LDB2: variants seen among roughly 807,000 people sequenced by gnomAD.
LDB2 encodes the protein LIM domain binding 2.
LDB2 carries 12 observed loss-of-function variants against 44.3 expected under a neutral mutation model. The observed-to-expected ratio is 0.27, with a 90% CI of 0.17 to 0.44. The LOEUF is 0.44. LDB2 is among the 20% of genes least tolerant of loss of function. The pLI is 1.00. For synonymous variants in LDB2, 164 were observed against 174.8 expected (o/e 0.94, Z 0.49); for missense variants, 344 against 473.5 (o/e 0.73, Z 2.54).
chr4:16,755,541 GACAGACAGA>G (rs1766436782), intron 2 of LDB2, among the ~76,000 whole-genome samples: 2 of 31,582 alleles, frequency 6.3e-5, no homozygotes, highest in East Asian at 7.9e-4. Context: ...GAGAGAGAGA[GACAGACAGA>G]CAGAGAGAGA....
intron 3 of LDB2, among the ~76,000 whole-genome samples, chr4:16,592,717 GT>G (rs1329262557): frequency 6.6e-6 from 1 of 151,888 alleles, no homozygotes; most frequent in East Asian, 1.9e-4. Context: ...AAAATTCATA[GT>G]AAACAATTGA....
At chr4:16,716,926 T>C (rs1003281721) in intron 2 of LDB2, among the ~76,000 whole-genome samples, 7 of 152,098 alleles carry the variant, frequency 4.6e-5, no homozygotes, top group African/African-American at 1.7e-4. Flanking sequence ...ATTTAGTGGA[T>C]ATGGTGGTTT....
intron 5 of LDB2, among the ~76,000 whole-genome samples, chr4:16,550,669 G>A (rs1737348284): frequency 6.6e-6 from 1 of 152,212 alleles, no homozygotes. Flanking sequence ...ATGTGCTTTT[G>A]GTGGGAGTGC....
intron 5 of LDB2, among the ~76,000 whole-genome samples, chr4:16,569,415 G>A (rs184823453): frequency 4.7e-4 from 71 of 152,262 alleles, no homozygotes; most frequent in African/African-American, 1.6e-3. Context: ...TAGACTTTGA[G>A]TCTTATGCTA....
At chr4:16,731,461 C>A (rs1760742063) in intron 2 of LDB2, among the ~76,000 whole-genome samples, 1 of 152,056 alleles carries the variant, frequency 6.6e-6, no homozygotes, top group African/African-American at 2.4e-5. Flanking sequence ...GGATCAGTAC[C>A]CTTATAAGGG....
chr4:16,881,883 C>T (rs1720232313), intron 1 of LDB2, among the ~76,000 whole-genome samples: 1 of 152,094 alleles, frequency 6.6e-6, no homozygotes, highest in African/African-American at 2.4e-5. Context: ...AGCTTCACCT[C>T]CCTGTTTTGA....
At chr4:16,769,795 C>T (rs969104648) in intron 1 of LDB2, among the ~76,000 whole-genome samples, 3 of 152,152 alleles carry the variant, frequency 2.0e-5, no homozygotes, top group Admixed American at 6.5e-5. Context: ...GAGAGCATCT[C>T]GGTGTTTCAC....
Position 16,629,136 on chromosome 4 carries a change from A to T in LDB2, c.236-33261T>A, listed in dbSNP as rs1731163121. Among the ~76,000 whole-genome samples, 3 of 152,212 alleles carry T rather than the reference A, an allele frequency of 2.0e-5. No homozygotes were observed. The South Asian group carries it at 6.2e-4, about 32-fold the overall frequency. Reference sequence around the variant, plus strand: ...AGTGGCAGGGAAGCTCAAACTGGGTAGAGCCCACCACAGATCAGCAAGGCC... The same window carrying T: ...AGTGGCAGGGAAGCTCAAACTGGGTTGAGCCCACCACAGATCAGCAAGGCC... On this transcript the variant is annotated intron_variant, in intron 2 of 7. Transcript: ENST00000304523.
chr4:16,635,186 A>G (rs772163139), intron 2 of LDB2, among the ~76,000 whole-genome samples: 2 of 152,158 alleles, frequency 1.3e-5, no homozygotes, highest in African/African-American at 4.8e-5. Context: ...GAAATACCTA[A>G]TGTAGGTGAT....
At position 16,898,645 on chromosome 4, in the gene LDB2, T is replaced by G; in HGVS notation, c.-160A>C. The stretch of plus-strand genomic sequence containing the variant: ...CAGGCTGAACACGCTGGCTGGGAAC[T>G]GCTGTCGGAGCCCTCTATAGCAGGA... On this transcript the variant is annotated 5_prime_UTR_variant, in exon 1 of 8. Transcript: ENST00000304523. 1 of 390,118 alleles carries G rather than the reference T, an allele frequency of 2.6e-6. No individual in the cohort carries two copies. The highest frequency in any genetic ancestry group is 4.5e-6 in the Non-Finnish European group (1 of 223,854). 24.2% of individuals were successfully genotyped at this position (390,118 alleles called of 1,614,324 possible). A position where few individuals can be genotyped will look rare whatever the true frequency, so the allele number is the denominator to read the frequency against.
At chr4:16,876,156 C>T (rs540811528) in intron 1 of LDB2, among the ~76,000 whole-genome samples, 92 of 152,246 alleles carry the variant, frequency 6.0e-4, no homozygotes, top group African/African-American at 2.0e-3. Flanking sequence ...TTGGATAAAC[C>T]GACTATGCTA....
intron 5 of LDB2, among the ~76,000 whole-genome samples, chr4:16,571,223 G>A (rs1000364640): frequency 6.6e-6 from 1 of 152,146 alleles, no homozygotes; most frequent in African/African-American, 2.4e-5. Flanking sequence ...GTTCTCCTTC[G>A]AGGAGTGACA....
intron 2 of LDB2, among the ~76,000 whole-genome samples, chr4:16,615,299 T>G (rs138889814): frequency 0.014 from 2,206 of 152,248 alleles, 32 homozygotes; most frequent in South Asian, 0.046. Flanking sequence ...TAAAGACACA[T>G]GTACACATAT....
rs148045483 is a variant in LDB2, at chr4:16,838,638, G to A, written c.132+59716C>T. Among the ~76,000 whole-genome samples the A allele has an allele frequency of 2.1e-3, 323 of 152,248 alleles. 5 individuals are homozygous for A. The East Asian group carries it at 0.038, about 18-fold the overall frequency. On this transcript the variant is annotated intron_variant, in intron 1 of 7. Coordinates refer to ENST00000304523, the MANE Select transcript of LDB2 (RefSeq NM_001290.5). Reference sequence around the variant, plus strand: ...CTCTGGAGAACACAGTGGAAGAAGTGTCTTGCTTTGGAGCTCCCAACACAC... The same window carrying A: ...CTCTGGAGAACACAGTGGAAGAAGTATCTTGCTTTGGAGCTCCCAACACAC...
intron 5 of LDB2, among the ~76,000 whole-genome samples, chr4:16,575,406 GAGTC>G (rs1160484413): frequency 1.3e-5 from 2 of 152,176 alleles, no homozygotes; most frequent in Non-Finnish European, 2.9e-5. Context: ...TCCAGACAGA[GAGTC>G]AGTAAGGAAA....
At chr4:16,881,346 G>A (rs570943121) in intron 1 of LDB2, among the ~76,000 whole-genome samples, 7 of 152,320 alleles carry the variant, frequency 4.6e-5, no homozygotes, top group Middle Eastern at 3.4e-3. Flanking sequence ...ATACCACTAC[G>A]TATCACAGTA....
intron 7 of LDB2, chr4:16,503,196 T>A: frequency 6.6e-7 from 1 of 1,505,430 alleles, no homozygotes; most frequent in South Asian, 1.2e-5. Flanking sequence ...TTGCCGACAT[T>A]GGGGACTTTT....
chr4:16,739,662 GTATATATACATATGTGTGTATA>G lies in LDB2; in HGVS notation c.235+19474_235+19495del, dbSNP rs1336134344. On this transcript the variant is annotated intron_variant, in intron 2 of 7. Coordinates refer to ENST00000304523, the MANE Select transcript of LDB2 (RefSeq NM_001290.5). ...TATATATACATATGTGTGTATATAT[GTATATATACATATGTGTGTATA>G]TATGTATATATACATATATGTGTAT... 1.7e-4 allele frequency among the ~76,000 whole-genome samples: 9 copies of G among 54,492 alleles called. 2 individuals carry two copies. The highest frequency in any genetic ancestry group is 4.5e-4 in the South Asian group (1 of 2,202). 35.7% of individuals were successfully genotyped at this position (54,492 alleles called of 152,430 possible). A position where few individuals can be genotyped will look rare whatever the true frequency, so the allele number is the denominator to read the frequency against.
intron 5 of LDB2, among the ~76,000 whole-genome samples, chr4:16,536,149 T>G (rs1211939950): frequency 2.0e-5 from 3 of 152,164 alleles, no homozygotes; most frequent in African/African-American, 7.2e-5. Flanking sequence ...GTCACTAACT[T>G]TGTTTTCTAT....
Sources: gnomAD v4.1 joint callset for allele counts (sites outside exome capture counted in the v4.1 genomes callset) on GRCh38, gnomAD v4.1.1 for gene constraint, MANE v1.5 for transcripts, NCBI Gene and HGNC (gene_info 2026-07-23, HGNC 2026-07-21) for gene names.